IPO4: variants seen among roughly 807,000 people sequenced by gnomAD.
IPO4 encodes the protein importin 4.
Under a neutral mutation model 133.5 loss-of-function variants are expected in IPO4, and 91 were observed. The ratio of observed to expected loss-of-function variants is 0.68; its 90% CI spans 0.58 to 0.81. The LOEUF (loss-of-function observed/expected upper bound fraction) is 0.81. IPO4 is among the 30% of genes least tolerant of loss of function. The pLI is 0.00. For synonymous variants in IPO4, 607 were observed against 581.6 expected (o/e 1.04, Z -0.63); for missense variants, 1,279 against 1,386.2 (o/e 0.92, Z 1.23).
chr14:24,188,356 T>C lies in IPO4; in HGVS notation c.224A>G (p.Glu75Gly). The C allele has an allele frequency of 6.2e-7, 1 of 1,613,310 alleles. No individual in the cohort carries two copies. Residue 75 changes from glutamate (E) to glycine (G), a missense_variant, in exon 3 of 30, where the codon GAG (glutamate) becomes GGG (glycine). Glu to Gly is a moderately conservative substitution (Grantham distance 98). Transcript: ENST00000354464. ...LNTRWRRLAAEQRESLKSLIL... is the reference protein window; with the variant it reads ...LNTRWRRLAAGQRESLKSLIL... ...AGGCCCAGCCCACCTCTCCCGTTGC[T>C]CCGCCGCCAGCCGTCGCCAGCGGGT...
In IPO4 at chr14:24,183,165, C is replaced by G; in HGVS notation, c.2232G>C (p.Leu744Phe). 6.2e-7 allele frequency: 1 copy of G among 1,611,840 alleles called. No individual in the cohort carries two copies. The highest frequency in any genetic ancestry group is 2.2e-5 in the East Asian group (1 of 44,812). The change falls in exon 23 of 30, where the codon TTG becomes TTC. Residue 744 changes from leucine (L) to phenylalanine (F), a missense_variant. Leu to Phe is a conservative substitution (Grantham distance 22, BLOSUM62 0). Around this residue, in one of 3 missense-constraint regions of IPO4, gnomAD observed 575 missense variants for 653.4 expected, o/e 0.88. Coordinates refer to ENST00000354464, the MANE Select transcript of IPO4 (RefSeq NM_024658.4). Reference sequence around the variant, plus strand: ...GCACGACTCGGGCCAGGGCAGCCTGCAAAGCTGGGGACATTATTGGCTGAA... The same window carrying G: ...GCACGACTCGGGCCAGGGCAGCCTGGAAAGCTGGGGACATTATTGGCTGAA... ...SCPSEPNTAA[L>F]QAALARVVPS... is the part of the protein sequence containing the mutation.
Position 24,186,707 on chromosome 14 carries a change from C to A in IPO4, c.840+1G>T. 5.0e-6 allele frequency: 8 copies of A among 1,613,638 alleles called. No individual in the cohort carries two copies. Among genetic ancestry groups the A allele is most frequent in the Non-Finnish European group, 6.8e-6 (8 of 1,179,640 alleles). ...ATGTGTGTCAATGGGCACTCACTTA[C>A]CTTGCTCTTGACTTTGACCAAGAAA... On this transcript the variant is annotated splice_donor_variant, in intron 9 of 29. Transcript: ENST00000354464. LOFTEE classifies it high-confidence loss of function.
At position 24,188,344 on chromosome 14, in the gene IPO4, C is replaced by T; in HGVS notation, c.236G>A (p.Ser79Asn). The T allele has an allele frequency of 6.2e-7, 1 of 1,613,694 alleles. No homozygotes were observed. The highest frequency in any genetic ancestry group is 8.5e-7 in the Non-Finnish European group (1 of 1,179,900). The part of the protein sequence containing the change: ...WRRLAAEQRE[S>N]LKSLILTALQ... ...CCGCCCCACCCCAGGCCCAGCCCAC[C>T]TCTCCCGTTGCTCCGCCGCCAGCCG... is the stretch of plus-strand genomic sequence containing the variant. The change falls in exon 3 of 30, where the codon AGC becomes AAC. Residue 79 changes from serine (S) to asparagine (N), a missense_variant and splice_region_variant. Coordinates refer to ENST00000354464, the MANE Select transcript of IPO4 (RefSeq NM_024658.4).
At position 24,184,993 on chromosome 14, in the gene IPO4, A is replaced by G. The variant is rs754614131; in HGVS notation, c.1409-13T>C. 2 of 1,611,670 alleles carry G rather than the reference A, an allele frequency of 1.2e-6. No homozygotes were observed. Among genetic ancestry groups the G allele is most frequent in the Non-Finnish European group, 1.7e-6 (2 of 1,178,724 alleles). On this transcript the variant is annotated splice_polypyrimidine_tract_variant and intron_variant, in intron 14 of 29. Coordinates refer to ENST00000354464, the MANE Select transcript of IPO4 (RefSeq NM_024658.4). Reference sequence around the variant, plus strand: ...TGCACCTTGGGCCCTGTGGGAAAGGATGCTCCTCTACCAACCAACCCAGGT... The same window carrying G: ...TGCACCTTGGGCCCTGTGGGAAAGGGTGCTCCTCTACCAACCAACCCAGGT...
intron 4 of IPO4, 70 bp from the exon 5 acceptor site, chr14:24,187,866 T>C (rs1379967926): frequency 5.7e-6 from 9 of 1,588,220 alleles, no homozygotes; most frequent in South Asian, 5.6e-5. Flanking sequence ...CCAGGCTCAA[T>C]GGGGCAGCCA....
intron 19 of IPO4, 21 bp downstream of exon 19, chr14:24,183,762 C>G (rs372097371): frequency 3.1e-5 from 50 of 1,614,052 alleles, no homozygotes; most frequent in Admixed American, 8.3e-5. Context: ...GATTCCTGAT[C>G]AGAAGAGCAC....
chr14:24,187,274 C>A (rs964887208), intron 6 of IPO4, 124 bp from the exon 7 acceptor site: 2 of 1,455,776 alleles, frequency 1.4e-6, no homozygotes, highest in Non-Finnish European at 9.6e-7. Flanking sequence ...CCTACAGCAT[C>A]CCCTCTCAAT....
At position 24,184,433 on chromosome 14, in the gene IPO4, G is replaced by A. The variant is rs1347635772; in HGVS notation, c.1637-15C>T. 6.2e-7 allele frequency: 1 copy of A among 1,604,070 alleles called. No individual in the cohort carries two copies. The highest frequency in any genetic ancestry group is 8.5e-7 in the Non-Finnish European group (1 of 1,175,156). On this transcript the variant is annotated splice_polypyrimidine_tract_variant and intron_variant, in intron 16 of 29. Coordinates refer to ENST00000354464, the MANE Select transcript of IPO4 (RefSeq NM_024658.4). ...CCCCAGTGTCTCTGTGGGGGCAAGG[G>A]CTCCATTAGCACCAGGAGGTGGAGG...
rs2138816247 is a variant in IPO4, at chr14:24,185,714, A to G, written c.1169+147T>C. On this transcript the variant is annotated intron_variant, in intron 12 of 29. Coordinates refer to ENST00000354464, the MANE Select transcript of IPO4 (RefSeq NM_024658.4). Reference sequence around the variant, plus strand: ...CAGCCCCTGGTCCCTATAGCTGGTAAGCCATGTCATTTATCTTCCAAGCCA... The same window carrying G: ...CAGCCCCTGGTCCCTATAGCTGGTAGGCCATGTCATTTATCTTCCAAGCCA... The G allele has an allele frequency of 1.1e-5, 10 of 914,294 alleles. No individual in the cohort carries two copies. In the South Asian group the frequency reaches 1.3e-4, roughly 12 times the overall value. The allele number at this position is 914,294 out of a possible 1,614,324, so 56.6% of individuals were successfully genotyped here. A position where few individuals can be genotyped will look rare whatever the true frequency, so the allele number is the denominator to read the frequency against.
intron 21 of IPO4, 24 bp downstream of exon 21, chr14:24,183,432 C>T (rs1326677685): frequency 6.2e-7 from 1 of 1,602,046 alleles, no homozygotes; most frequent in Non-Finnish European, 8.5e-7. Flanking sequence ...GAACCCCACC[C>T]ACTCCACCCG....
Position 24,185,241 on chromosome 14 carries a change from T to TC in IPO4, c.1349dup (p.His451ThrfsTer85). On this transcript the variant is annotated frameshift_variant, in exon 14 of 30. Transcript: ENST00000354464. LOFTEE classifies it high-confidence loss of function. The stretch of plus-strand genomic sequence containing the variant: ...AGGCCTTGGCTAGGTGGTGTGTGTG[T>TC]CCAAGAGGCACCGACTTCAAGTAGG... 6.2e-7 allele frequency: 1 copy of TC among 1,614,090 alleles called. No individual in the cohort carries two copies. Among genetic ancestry groups the TC allele is most frequent in the South Asian group, 1.1e-5 (1 of 91,082 alleles).
Position 24,188,203 on chromosome 14 carries a change from G to A in IPO4, c.278+13C>T, listed in dbSNP as rs371744512. 3.1e-6 allele frequency: 5 copies of A among 1,612,082 alleles called. No homozygotes were observed. Among genetic ancestry groups the A allele is most frequent in the Non-Finnish European group, 4.2e-6 (5 of 1,178,984 alleles). ...AGTCGTCAAGATCCCGAGAGAAGTG[G>A]GTAGGTACTTACTCTGTTTCTCTCT... On this transcript the variant is annotated intron_variant, in intron 4 of 29. Coordinates refer to ENST00000354464, the MANE Select transcript of IPO4 (RefSeq NM_024658.4).
At position 24,184,915 on chromosome 14, in the gene IPO4, TG is replaced by T; in HGVS notation, c.1473del (p.Ser492AlafsTer10). On this transcript the variant is annotated frameshift_variant, in exon 15 of 30. Coordinates refer to ENST00000354464, the MANE Select transcript of IPO4 (RefSeq NM_024658.4). LOFTEE classifies it high-confidence loss of function. ...GCCAGCTCCTTGGCCCGGGGACTGC[TG>T]GGGTTCCTCAGAAGCTGCAGCATGC... ...MECMLQLLRN[P>X]SSPRAKELAV... is the part of the protein sequence containing the mutation. The T allele has an allele frequency of 3.7e-6, 6 of 1,614,120 alleles. No homozygotes were observed. Among genetic ancestry groups the T allele is most frequent in the Non-Finnish European group, 5.1e-6 (6 of 1,180,024 alleles).
At position 24,188,305 on chromosome 14, in the gene IPO4, G is replaced by A. The variant is rs766625962; in HGVS notation, c.236+39C>T. 4 of 1,612,944 alleles carry A rather than the reference G, an allele frequency of 2.5e-6. No homozygotes were observed. In the African/African-American group the frequency reaches 4.0e-5, roughly 16 times the overall value. On this transcript the variant is annotated intron_variant, in intron 3 of 29. Coordinates refer to ENST00000354464, the MANE Select transcript of IPO4 (RefSeq NM_024658.4). ...TTGGTACCCAGCCTGCCCAAGAAAA[G>A]TCTCCGCCTGGCCCCGCCCCACCCC...
In IPO4 at chr14:24,186,992, C is replaced by A; in HGVS notation, c.655-13G>T. ...CACAGGCCTTTGCCTGACAGACAAA[C>A]AAGGCACAAGGTTACCATGCTCTTC... is the stretch of plus-strand genomic sequence containing the variant. On this transcript the variant is annotated splice_polypyrimidine_tract_variant and intron_variant, in intron 7 of 29. Coordinates refer to ENST00000354464, the MANE Select transcript of IPO4 (RefSeq NM_024658.4). The A allele has an allele frequency of 1.2e-6, 2 of 1,613,218 alleles. No homozygotes were observed. Among genetic ancestry groups the A allele is most frequent in the Non-Finnish European group, 8.5e-7 (1 of 1,179,144 alleles).
chr14:24,185,325 G>A lies in IPO4; in HGVS notation c.1279-13C>T. On this transcript the variant is annotated splice_polypyrimidine_tract_variant and intron_variant, in intron 13 of 29. Transcript: ENST00000354464. ...TGCTGATATGGGGCTGGGGGAGGGA[G>A]CAAGCAGGGCCTGAGTCAGGTTCAC... 2 of 1,614,046 alleles carry A rather than the reference G, an allele frequency of 1.2e-6. No homozygotes were observed. The highest frequency in any genetic ancestry group is 1.7e-6 in the Non-Finnish European group (2 of 1,179,940).
chr14:24,180,819 G>T, intron 28 of IPO4, 61 bp from the exon 29 acceptor site: 1 of 1,499,826 alleles, frequency 6.7e-7, no homozygotes, highest in Non-Finnish European at 9.2e-7. Context: ...TAGGAGGGTG[G>T]TCAGGACCAA....
At position 24,183,026 on chromosome 14, in the gene IPO4, CA is replaced by C. The variant is rs2039164470; in HGVS notation, c.2370del (p.Arg792AlafsTer114). ...RSCGTLTLKPPGRLAELCGVL... is the reference protein window; with the variant it reads ...RSCGTLTLKPXGRLAELCGVL... Reference sequence around the variant, plus strand: ...ACGCCACAGAGCTCAGCGAGGCGCCCAGGGGGCTTCAGTGTGAGGGTCCCAC... The same window carrying C: ...ACGCCACAGAGCTCAGCGAGGCGCCCGGGGGCTTCAGTGTGAGGGTCCCAC... On this transcript the variant is annotated frameshift_variant, in exon 23 of 30. Transcript: ENST00000354464. LOFTEE classifies it high-confidence loss of function. 1.2e-6 allele frequency: 2 copies of C among 1,613,826 alleles called. No homozygotes were observed. Among genetic ancestry groups the C allele is most frequent in the Non-Finnish European group, 1.7e-6 (2 of 1,179,992 alleles).
At position 24,186,789 on chromosome 14, in the gene IPO4, T is replaced by C. The variant is rs2039229216; in HGVS notation, c.759A>G (p.Val253=). ...LSEVLTFCLE[V]ARNVALGNAI... is the part of the protein sequence containing the mutation. ...CATTGCCCAGGGCCACATTTCTAGC[T>C]ACCTGTCCACAGAATAATAAAAATC... Residue 253 remains valine (V), a splice_region_variant and synonymous_variant, in exon 9 of 30, where the codon GTA becomes GTG. Coordinates refer to ENST00000354464, the MANE Select transcript of IPO4 (RefSeq NM_024658.4). 4 of 1,613,954 alleles carry C rather than the reference T, an allele frequency of 2.5e-6. No homozygotes were observed. Among genetic ancestry groups the C allele is most frequent in the Non-Finnish European group, 3.4e-6 (4 of 1,179,950 alleles).
Sources: allele counts gnomAD v4.1 joint callset, GRCh38; gene constraint gnomAD v4.1.1; regional missense constraint gnomAD v4.1.1; transcripts MANE v1.5; gene names NCBI Gene and HGNC (gene_info 2026-07-23, HGNC 2026-07-21).